Variants in OXNAD1 observed in about 807,000 individuals in gnomAD.
OXNAD1 encodes the protein oxidoreductase NAD-binding domain-containing protein 1.
Under a neutral mutation model 32.9 loss-of-function variants are expected in OXNAD1, and 34 were observed. That is an observed-to-expected ratio of 1.03 (90% CI 0.79 to 1.38). The LOEUF is 1.38. Among genes scored for constraint, OXNAD1 ranks in the 40% most tolerant of loss-of-function variants. The pLI is 0.00. For synonymous variants in OXNAD1, 134 were observed against 135.2 expected (o/e 0.99, Z 0.06); for missense variants, 407 against 379.4 (o/e 1.07, Z -0.60).
At chr3:16,268,240 A>T (rs2064676466) in intron 1 of OXNAD1, among the ~76,000 whole-genome samples, 1 of 142,836 alleles carries the variant, frequency 7.0e-6, no homozygotes, top group African/African-American at 2.6e-5. Flanking sequence ...AATGTCCTTT[A>T]TTTACCAGTA....
In OXNAD1 at chr3:16,319,837, G is replaced by A. The variant is rs563227151; in HGVS notation, c.*30+16245G>A. On this transcript the variant is annotated intron_variant, in intron 9 of 9. Coordinates refer to the OXNAD1 transcript ENST00000435829. ...GCCAGATTTCAGTTGAGCCTCTGAG[G>A]TGAGCTCTGACATCCACACCACTTA... Among the ~76,000 whole-genome samples, 64 of 152,336 alleles carry A rather than the reference G, an allele frequency of 4.2e-4. 1 individual carries two copies. Among genetic ancestry groups the A allele is most frequent in the African/African-American group, 1.4e-3 (59 of 41,578 alleles).
downstream of OXNAD1, among the ~76,000 whole-genome samples, chr3:16,351,075 C>T (rs773105892): frequency 6.6e-6 from 1 of 152,140 alleles, no homozygotes; most frequent in African/African-American, 2.4e-5. The surrounding 1 kb of genome is among the most constrained non-coding windows in gnomAD (Gnocchi z 5.4). Flanking sequence ...ACAGGATTCA[C>T]AGGATTATGA....
At chr3:16,293,786 A>G (rs1478984613) in intron 5 of OXNAD1, among the ~76,000 whole-genome samples, 4 of 152,186 alleles carry the variant, frequency 2.6e-5, no homozygotes, top group African/African-American at 9.7e-5. Flanking sequence ...GATGTTAGCT[A>G]TGGGTCTTTT....
chr3:16,329,492 G>T lies in OXNAD1; in HGVS notation c.*31-7620G>T, dbSNP rs1271250024. Among the ~76,000 whole-genome samples the T allele has an allele frequency of 6.6e-6, 1 of 152,130 alleles. No individual in the cohort carries two copies. The highest frequency in any genetic ancestry group is 1.5e-5 in the Non-Finnish European group (1 of 68,024). On this transcript the variant is annotated intron_variant, in intron 9 of 9. Coordinates refer to the OXNAD1 transcript ENST00000435829. This position sits in a 1 kb window ranked among gnomAD's most constrained non-coding sequence, Gnocchi z 4.5. Reference sequence around the variant, plus strand: ...GTCCCTTCCCTGAAGCCTCTATCAGGCCAGAGATGGCCCAGCAGTTGTGAC... The same window carrying T: ...GTCCCTTCCCTGAAGCCTCTATCAGTCCAGAGATGGCCCAGCAGTTGTGAC...
rs1404341354 is a variant in OXNAD1 at position 16,299,484 on chromosome 3, G to A, written c.433-2142G>A. Among the ~76,000 whole-genome samples, 1 of 152,134 alleles carries A rather than the reference G, an allele frequency of 6.6e-6. No individual in the cohort carries two copies. The highest frequency in any genetic ancestry group is 2.4e-5 in the African/African-American group (1 of 41,444). On this transcript the variant is annotated intron_variant, in intron 6 of 8. Coordinates refer to ENST00000285083, the MANE Select transcript of OXNAD1 (RefSeq NM_138381.5). This position sits in a 1 kb window ranked among gnomAD's most constrained non-coding sequence, Gnocchi z 4.4. ...ATCTCCCACATATTTAAAATAGTGA[G>A]GTTCAGACATTTTTTCCCCTGAAAG...
Position 16,302,508 on chromosome 3 carries a change from A to T in OXNAD1, c.676-132A>T, listed in dbSNP as rs2067255577. ...GCTCTGGCCTGCTAGGCTGCAAACA[A>T]TATCTCTCTAAGTAGAGAGCGAGAG... On this transcript the variant is annotated intron_variant, in intron 7 of 8. Coordinates refer to ENST00000285083, the MANE Select transcript of OXNAD1 (RefSeq NM_138381.5). This position sits in a 1 kb window ranked among gnomAD's most constrained non-coding sequence, Gnocchi z 4.2. The T allele has an allele frequency of 3.1e-6, 2 of 643,686 alleles. No homozygotes were observed. Among genetic ancestry groups the T allele is most frequent in the East Asian group, 5.6e-5 (2 of 35,952 alleles). 39.9% of individuals were successfully genotyped at this position (643,686 alleles called of 1,614,324 possible).
rs1381025333 is a variant in OXNAD1, at chr3:16,322,567, T to TC, written c.*31-14544dup. Among the ~76,000 whole-genome samples the TC allele has an allele frequency of 3.3e-5, 5 of 152,152 alleles. No homozygotes were observed. The East Asian group carries it at 9.7e-4, about 29-fold the overall frequency. ...CTGACTCAGGCTTTGGTGTGTCCACTCGACTCACTGGCCTCTTCCCCAGCA... is the reference window on the plus strand; with the variant it reads ...CTGACTCAGGCTTTGGTGTGTCCACTCCGACTCACTGGCCTCTTCCCCAGCA... On this transcript the variant is annotated intron_variant, in intron 9 of 9. Coordinates refer to the OXNAD1 transcript ENST00000435829. This position sits in a 1 kb window ranked among gnomAD's most constrained non-coding sequence, Gnocchi z 6.2.
At position 16,321,376 on chromosome 3, in the gene OXNAD1, G is replaced by A. The variant is rs998745156; in HGVS notation, c.*31-15736G>A. ...TAGTGGGAAACCAGGAGAATGAGGT[G>A]GGAAAGAACCAAGAGAAAAGCTGCT... is the stretch of plus-strand genomic sequence containing the variant. On this transcript the variant is annotated intron_variant, in intron 9 of 9. Coordinates refer to the OXNAD1 transcript ENST00000435829. This position sits in a 1 kb window ranked among gnomAD's most constrained non-coding sequence, Gnocchi z 4.8. 3.3e-5 allele frequency among the ~76,000 whole-genome samples: 5 copies of A among 152,124 alleles called. No individual in the cohort carries two copies. Among genetic ancestry groups the A allele is most frequent in the Non-Finnish European group, 7.4e-5 (5 of 68,016 alleles).
chr3:16,268,091 T>A (rs1456922937), intron 1 of OXNAD1, among the ~76,000 whole-genome samples: 2 of 152,166 alleles, frequency 1.3e-5, no homozygotes, highest in Non-Finnish European at 2.9e-5. Flanking sequence ...TATATATTGA[T>A]CTGCTGTGGT....
downstream of OXNAD1, among the ~76,000 whole-genome samples, chr3:16,350,659 G>A (rs1405229326): frequency 6.6e-6 from 1 of 152,194 alleles, no homozygotes; most frequent in East Asian, 1.9e-4. Context: ...TTACTCACCT[G>A]TGCTATGATT....
chr3:16,328,574 G>A (rs560710982), intron 9 of OXNAD1, among the ~76,000 whole-genome samples: 23 of 152,276 alleles, frequency 1.5e-4, no homozygotes, highest in Middle Eastern at 3.4e-3. Flanking sequence ...CCTTTCCTCC[G>A]CTGTATAAAA....
chr3:16,280,143 A>G lies in OXNAD1; in HGVS notation c.184-6199A>G, dbSNP rs964924435. 6.6e-6 allele frequency among the ~76,000 whole-genome samples: 1 copy of G among 152,158 alleles called. No individual in the cohort carries two copies. Among genetic ancestry groups the G allele is most frequent in the African/African-American group, 2.4e-5 (1 of 41,420 alleles). On this transcript the variant is annotated intron_variant, in intron 4 of 8. Coordinates refer to ENST00000285083, the MANE Select transcript of OXNAD1 (RefSeq NM_138381.5). This position sits in a 1 kb window ranked among gnomAD's most constrained non-coding sequence, Gnocchi z 4.5. The stretch of plus-strand genomic sequence containing the variant: ...TGCCTGACATATGGTAAGGATGTCT[A>G]TAAGTGTTTGCTGCTGTTGTTGTTG...
downstream of OXNAD1, among the ~76,000 whole-genome samples, chr3:16,308,741 A>G (rs1041744607): frequency 6.6e-6 from 1 of 152,162 alleles, no homozygotes; most frequent in African/African-American, 2.4e-5. This position sits in a 1 kb window ranked among gnomAD's most constrained non-coding sequence, Gnocchi z 4.4. Flanking sequence ...CCAAACTTTT[A>G]TAGTTGTTGA....
intron 4 of OXNAD1, among the ~76,000 whole-genome samples, chr3:16,278,358 A>G (rs1342851758): frequency 6.6e-6 from 1 of 152,184 alleles, no homozygotes; most frequent in Non-Finnish European, 1.5e-5. Context: ...TTTGTTTACA[A>G]AGCACCAGAT....
rs766006449 is a variant in OXNAD1 at position 16,320,263 on chromosome 3, G to C, written c.*30+16671G>C. ...TATTTGCCTTGAAAATCACACGCACGTACACAGAGGTTTCTTTCCAATGCT... is the reference window on the plus strand; with the variant it reads ...TATTTGCCTTGAAAATCACACGCACCTACACAGAGGTTTCTTTCCAATGCT... On this transcript the variant is annotated intron_variant, in intron 9 of 9. Transcript: ENST00000435829. This position sits in a 1 kb window ranked among gnomAD's most constrained non-coding sequence, Gnocchi z 4.5. 6.6e-6 allele frequency among the ~76,000 whole-genome samples: 1 copy of C among 152,182 alleles called. No individual in the cohort carries two copies. Among genetic ancestry groups the C allele is most frequent in the Non-Finnish European group, 1.5e-5 (1 of 68,040 alleles).
chr3:16,316,467 T>C lies in OXNAD1; in HGVS notation c.*30+12875T>C. 3.3e-6 allele frequency: 1 copy of C among 306,624 alleles called. No homozygotes were observed. The highest frequency in any genetic ancestry group is 6.2e-6 in the Non-Finnish European group (1 of 162,242). The allele number at this position is 306,624 out of a possible 1,614,324, so 19.0% of individuals were successfully genotyped here. ...CTTGGTTTGTAGCCCAGGGTGTCCA[T>C]GGATTTGACCCGAATGCTCCCTGGA... On this transcript the variant is annotated intron_variant, in intron 9 of 9. Transcript: ENST00000435829. This position sits in a 1 kb window ranked among gnomAD's most constrained non-coding sequence, Gnocchi z 4.5.
At chr3:16,308,507 G>A (rs1177367326), downstream of OXNAD1, among the ~76,000 whole-genome samples, 1 of 151,882 alleles carries the variant, frequency 6.6e-6, no homozygotes, top group African/African-American at 2.4e-5. The surrounding 1 kb of genome is among the most constrained non-coding windows in gnomAD (Gnocchi z 4.4). Context: ...CCTGGTTATT[G>A]CAGATGATCT....
rs898441258 is a variant in OXNAD1, at chr3:16,299,720, A to G, written c.433-1906A>G. Among the ~76,000 whole-genome samples, 2 of 152,170 alleles carry G rather than the reference A, an allele frequency of 1.3e-5. No individual in the cohort carries two copies. The highest frequency in any genetic ancestry group is 2.4e-5 in the African/African-American group (1 of 41,444). ...GGGTTTGGTTCTCAAAAAGCACGCG[A>G]TGTGTTATTACTTCTTAGGAGGGCA... On this transcript the variant is annotated intron_variant, in intron 6 of 8. Transcript: ENST00000285083. The surrounding 1 kb of genome is among the most constrained non-coding windows in gnomAD (Gnocchi z 4.4).
rs141723916 is a variant in OXNAD1 at position 16,313,540 on chromosome 3, A to G, written c.*30+9948A>G. On this transcript the variant is annotated intron_variant, in intron 9 of 9. Transcript: ENST00000435829. ...ACAGTATCTGCCACATTGATTACCT[A>G]TCAGCATGTGATTAACTGCTACCCA... The G allele has an allele frequency of 3.8e-4, 58 of 152,262 alleles. 1 individual carries two copies. The highest frequency in any genetic ancestry group is 1.3e-3 in the African/African-American group (55 of 41,542). 9.4% of individuals were successfully genotyped at this position (152,262 alleles called of 1,614,324 possible).
Sources: gnomAD v4.1 joint callset for allele counts (sites outside exome capture counted in the v4.1 genomes callset) on GRCh38, gnomAD v4.1.1 for gene constraint, Gnocchi (gnomAD v3.1) non-coding constraint, MANE v1.5 for transcripts, NCBI Gene and HGNC (gene_info 2026-07-23, HGNC 2026-07-21) for gene names.